PABIR2: variants seen among roughly 807,000 people sequenced by gnomAD.
PABIR2 encodes the protein family with sequence similarity 122B.
A neutral mutation model predicts 22.8 loss-of-function variants in PABIR2; 7 were observed. The observed-to-expected ratio is 0.31, with a 90% CI of 0.17 to 0.58. PABIR2 has a LOEUF of 0.58. Among genes scored for constraint, PABIR2 ranks in the 20% least tolerant of loss-of-function variants. The pLI, the probability that PABIR2 is intolerant of heterozygous loss-of-function variation, is 0.89. For missense variants in PABIR2, 155 were observed against 205.1 expected (o/e 0.76, Z 1.49); for synonymous variants, 67 against 73.8 (o/e 0.91, Z 0.47).
intron 9 of PABIR2, among the ~76,000 whole-genome samples, chrX:134,777,567 G>A (rs190589124): frequency 1.9e-4 from 20 of 103,358 alleles, no homozygotes; most frequent in African/African-American, 7.1e-4. Flanking sequence ...GGTGGCTCAC[G>A]CCTGTAATCC....
chrX:134,778,017 C>T (rs1340417626), intron 9 of PABIR2, among the ~76,000 whole-genome samples: 3 of 102,932 alleles, frequency 2.9e-5, no homozygotes, highest in Non-Finnish European at 6.0e-5. Flanking sequence ...CCTCAGCCTC[C>T]CAAGTAGCTG....
chrX:134,776,457 A>G (rs2078979864), intron 9 of PABIR2, among the ~76,000 whole-genome samples: 1 of 111,065 alleles, frequency 9.0e-6, no homozygotes, highest in African/African-American at 3.3e-5. Context: ...GAGCAGATTA[A>G]GAGCTCCCAG....
chrX:134,784,315 C>T (rs896226210), intron 8 of PABIR2, among the ~76,000 whole-genome samples: 3 of 108,355 alleles, frequency 2.8e-5, no homozygotes, highest in Non-Finnish European at 5.7e-5. Flanking sequence ...ACAGAAAATT[C>T]GCCAGGCGTG....
At chrX:134,787,614 T>A in intron 6 of PABIR2, 81 bp from the exon 7 acceptor site, 4 of 627,797 alleles carry the variant, frequency 6.4e-6, no homozygotes, top group Non-Finnish European at 8.8e-6. Flanking sequence ...TTCTTTCTTT[T>A]TTTTTTTTTT....
chrX:134,789,828 T>A (rs1335571511), intron 2 of PABIR2, among the ~76,000 whole-genome samples, 192 bp from the exon 3 acceptor site: 2 of 112,028 alleles, frequency 1.8e-5, no homozygotes, highest in Non-Finnish European at 3.8e-5. Context: ...GTGTCCAACC[T>A]CAAAGCGCCA....
chrX:134,783,167 C>G (rs781199900), intron 8 of PABIR2, among the ~76,000 whole-genome samples: 1 of 112,204 alleles, frequency 8.9e-6, no homozygotes, highest in East Asian at 2.8e-4. Context: ...AAATAACTCC[C>G]TATAAGATTA....
chrX:134,785,412 G>A (rs1483972237), intron 8 of PABIR2, among the ~76,000 whole-genome samples: 2 of 110,627 alleles, frequency 1.8e-5, no homozygotes, highest in African/African-American at 6.6e-5. Context: ...ATGATCTGAT[G>A]TATGTACATA....
At chrX:134,791,315 G>A (rs911923702) in intron 2 of PABIR2, among the ~76,000 whole-genome samples, 1 of 111,503 alleles carries the variant, frequency 9.0e-6, no homozygotes, top group Non-Finnish European at 1.9e-5. Flanking sequence ...TGGCAGTTAA[G>A]TGGGTACTGG....
At chrX:134,783,192 AT>A (rs1569426624) in intron 8 of PABIR2, among the ~76,000 whole-genome samples, 2 of 112,695 alleles carry the variant, frequency 1.8e-5, no homozygotes, top group Middle Eastern at 4.6e-3. Context: ...AAGACTGTTT[AT>A]AAAATAAAAC....
intron 8 of PABIR2, among the ~76,000 whole-genome samples, chrX:134,783,729 A>T (rs973045352): frequency 5.0e-5 from 5 of 100,750 alleles, no homozygotes; most frequent in African/African-American, 1.2e-4. Flanking sequence ...CGTCTCAATT[A>T]AAAAAAAAAA....
At chrX:134,787,391 C>A in intron 7 of PABIR2, 81 bp downstream of exon 7, 6 of 1,001,508 alleles carry the variant, frequency 6.0e-6, no homozygotes, top group Non-Finnish European at 8.5e-6. Flanking sequence ...TGAGCCACTG[C>A]GCCCAGCCAC....
chrX:134,783,533 C>T (rs2147931400), intron 8 of PABIR2, among the ~76,000 whole-genome samples: 1 of 110,914 alleles, frequency 9.0e-6, no homozygotes, highest in East Asian at 2.8e-4. Flanking sequence ...TGAGACCAGC[C>T]TGGCCAACAT....
At chrX:134,776,145 A>C (rs1476175871) in intron 9 of PABIR2, among the ~76,000 whole-genome samples, 1 of 110,964 alleles carries the variant, frequency 9.0e-6, no homozygotes, top group Non-Finnish European at 1.9e-5. Flanking sequence ...AGACATACAC[A>C]TTCCTGTTAA....
chrX:134,783,401 C>T (rs1285477518), intron 8 of PABIR2, among the ~76,000 whole-genome samples: 2 of 112,185 alleles, frequency 1.8e-5, no homozygotes, highest in Middle Eastern at 4.6e-3. Flanking sequence ...GAAGGTGATC[C>T]GCACAAAGAA....
chrX:134,770,327 G>A lies in PABIR2; in HGVS notation c.*1812C>T, dbSNP rs1407262198. 2 of 112,307 alleles carry A rather than the reference G, an allele frequency of 1.8e-5. No homozygotes were observed. Among genetic ancestry groups the A allele is most frequent in the African/African-American group, 3.2e-5 (1 of 30,846 alleles). The allele number at this position is 112,307 out of a possible 1,213,427, so 9.3% of individuals were successfully genotyped here. ...AAGCTTCATAATAGATTTATGTTAC[G>A]TTTGAAGAAGTAGAGACTTTTCCCA... On this transcript the variant is annotated 3_prime_UTR_variant, in exon 10 of 10. Transcript: ENST00000343004.
At chrX:134,773,062 C>T (rs945828618) in intron 9 of PABIR2, among the ~76,000 whole-genome samples, 2 of 110,695 alleles carry the variant, frequency 1.8e-5, no homozygotes, top group Middle Eastern at 4.7e-3. Context: ...AACCTCTATA[C>T]CCAGCCCAGG....
intron 8 of PABIR2, among the ~76,000 whole-genome samples, chrX:134,783,556 T>A (rs2079213432): frequency 9.1e-6 from 1 of 110,354 alleles, no homozygotes; most frequent in Admixed American, 9.7e-5. Context: ...CAAAACCCCA[T>A]CTCTACTAAA....
intron 9 of PABIR2, among the ~76,000 whole-genome samples, chrX:134,777,922 C>T (rs1172030551): frequency 2.4e-5 from 2 of 84,623 alleles, no homozygotes; most frequent in Non-Finnish European, 4.3e-5. Flanking sequence ...CAGAGTCTGG[C>T]TCTGTTGCCC....
At chrX:134,774,519 A>G (rs1317779382) in intron 9 of PABIR2, among the ~76,000 whole-genome samples, 3 of 110,971 alleles carry the variant, frequency 2.7e-5, no homozygotes, top group Non-Finnish European at 5.7e-5. Flanking sequence ...TCCATTTGTA[A>G]TAAGGCCTGC....
Sources: gnomAD v4.1 joint callset for allele counts (sites outside exome capture counted in the v4.1 genomes callset) on GRCh38, gnomAD v4.1.1 for gene constraint, MANE v1.5 for transcripts, NCBI Gene and HGNC (gene_info 2026-07-23, HGNC 2026-07-21) for gene names.